Variants in RAB35 observed in about 807,000 individuals in gnomAD.
RAB35 encodes the protein RAB35, member RAS oncogene family.
Under a neutral mutation model 28.9 loss-of-function variants are expected in RAB35, and 4 were observed. The observed-to-expected ratio is 0.14, with a 90% confidence interval of 0.07 to 0.32. The LOEUF (loss-of-function observed/expected upper bound fraction) is 0.32. Among genes scored for constraint, RAB35 ranks in the 10% least tolerant of loss-of-function variants. The pLI, the probability that RAB35 is intolerant of heterozygous loss-of-function variation, is 1.00. For missense variants in RAB35, 128 were observed against 274.0 expected, an observed-to-expected ratio of 0.47 and a Z score of 3.76; for synonymous variants, 99 against 105.1, an observed-to-expected ratio of 0.94 and a Z score of 0.35.
intron 3 of RAB35, among the ~76,000 whole-genome samples, chr12:120,100,020 G>T (rs1875598118): frequency 6.6e-6 from 1 of 152,200 alleles, no homozygotes; most frequent in Non-Finnish European, 1.5e-5. Flanking sequence ...CCACCCCAGG[G>T]CTCCTCAGGA....
chr12:120,097,426 G>T, intron 5 of RAB35, 53 bp from the exon 6 acceptor site: 1 of 1,479,476 alleles, frequency 6.8e-7, no homozygotes, highest in Non-Finnish European at 9.3e-7. Flanking sequence ...GGAGGCCCCT[G>T]CTGGCCTGCA....
intron 3 of RAB35, among the ~76,000 whole-genome samples, chr12:120,102,463 C>T (rs1245382310): frequency 6.6e-6 from 1 of 152,232 alleles, no homozygotes; most frequent in Non-Finnish European, 1.5e-5. Flanking sequence ...GGCTCATCAA[C>T]GGTCACCACA....
intron 5 of RAB35, among the ~76,000 whole-genome samples, chr12:120,098,120 G>A (rs1008257021): frequency 9.2e-5 from 14 of 152,252 alleles, no homozygotes; most frequent in African/African-American, 3.4e-4. Flanking sequence ...TCCTGACCTC[G>A]TGATCCGCCC....
chr12:120,111,297 G>A (rs1255756148), intron 1 of RAB35, among the ~76,000 whole-genome samples: 1 of 152,172 alleles, frequency 6.6e-6, no homozygotes, highest in Admixed American at 6.6e-5. Flanking sequence ...GTGTAAAACA[G>A]CTCTCTCTGC....
chr12:120,112,215 T>C lies in RAB35; in HGVS notation c.53-3748A>G, dbSNP rs1876147658. Among the ~76,000 whole-genome samples, 3 of 152,122 alleles carry C rather than the reference T, an allele frequency of 2.0e-5. No individual in the cohort carries two copies. The East Asian group carries it at 5.8e-4, about 29-fold the overall frequency. On this transcript the variant is annotated intron_variant, in intron 1 of 5. Transcript: ENST00000229340. ...CTGGTCTCGAGCTCCTGACCTCAAG[T>C]GATCCGCCTGCCTCGGCCTCCCAAA...
chr12:120,113,593 C>T (rs1212217106), intron 1 of RAB35, among the ~76,000 whole-genome samples: 4 of 152,034 alleles, frequency 2.6e-5, no homozygotes, highest in Admixed American at 1.3e-4. Context: ...CCGAGGCGGG[C>T]GGATCACGAG....
chr12:120,107,866 C>CAAA (rs57274207), intron 2 of RAB35, among the ~76,000 whole-genome samples: 22 of 31,974 alleles, frequency 6.9e-4, no homozygotes, highest in East Asian at 1.4e-3. Context: ...GACTCCATCT[C>CAAA]AAAAAAAAAA....
intron 2 of RAB35, among the ~76,000 whole-genome samples, chr12:120,104,780 T>C (rs2283360): frequency 0.13 from 19,530 of 151,950 alleles, 1,555 homozygotes; most frequent in East Asian, 0.4. Context: ...ACTACAGGCA[T>C]GCGCCACCAC....
rs1254650124 is a variant in RAB35, at chr12:120,095,715, TG to T, written c.*1529del. 1 of 152,250 alleles carries T rather than the reference TG, an allele frequency of 6.6e-6. No individual in the cohort carries two copies. Among genetic ancestry groups the T allele is most frequent in the Non-Finnish European group, 1.5e-5 (1 of 68,082 alleles). 9.4% of individuals were successfully genotyped at this position (152,250 alleles called of 1,614,324 possible). ...GGCCTGTCCCAGAATCACCAGCTTT[TG>T]GCAGTTTGGGCAAGTGGAGAGTCGG... On this transcript the variant is annotated 3_prime_UTR_variant, in exon 6 of 6. Coordinates refer to ENST00000229340, the MANE Select transcript of RAB35 (RefSeq NM_006861.7).
At chr12:120,112,506 T>C (rs79496610) in intron 1 of RAB35, among the ~76,000 whole-genome samples, 4 of 151,722 alleles carry the variant, frequency 2.6e-5, no homozygotes, top group Non-Finnish European at 4.4e-5. Context: ...TCATAGCTCA[T>C]TGCAGTCTCA....
intron 3 of RAB35, among the ~76,000 whole-genome samples, chr12:120,100,293 C>T (rs1452541837): frequency 1.3e-5 from 2 of 152,206 alleles, no homozygotes; most frequent in Non-Finnish European, 1.5e-5. Context: ...GGACAAAGAC[C>T]AACCCTGGCT....
chr12:120,105,735 C>T (rs186337341), intron 2 of RAB35, among the ~76,000 whole-genome samples: 370 of 151,926 alleles, frequency 2.4e-3, no homozygotes, highest in African/African-American at 8.2e-3. Flanking sequence ...CATCCTGGCT[C>T]ACATGGTAAA....
chr12:120,108,055 A>C (rs986062840), intron 2 of RAB35, among the ~76,000 whole-genome samples: 2 of 152,100 alleles, frequency 1.3e-5, no homozygotes, highest in African/African-American at 4.8e-5. Flanking sequence ...GAGCGCAGAA[A>C]GAAATCAGAA....
chr12:120,097,680 G>A (rs952389119), intron 5 of RAB35, among the ~76,000 whole-genome samples: 1 of 152,122 alleles, frequency 6.6e-6, no homozygotes, highest in Admixed American at 6.5e-5. Context: ...CCAGGAGATC[G>A]AGACTACAGT....
chr12:120,101,775 C>T (rs1165998662), intron 3 of RAB35, among the ~76,000 whole-genome samples: 2 of 152,194 alleles, frequency 1.3e-5, no homozygotes, highest in African/African-American at 4.8e-5. Context: ...GCCCACAGGC[C>T]GCCCCTTCCC....
chr12:120,096,638 C>A lies in RAB35; in HGVS notation c.*607G>T. The A allele has an allele frequency of 7.8e-7, 1 of 1,289,894 alleles. No individual in the cohort carries two copies. Among genetic ancestry groups the A allele is most frequent in the Non-Finnish European group, 1.0e-6 (1 of 988,884 alleles). The allele number at this position is 1,289,894 out of a possible 1,614,324, so 79.9% of individuals were successfully genotyped here. ...GGGCCTGCCTTGAGACCAGGTTCCCCAGCTCCCAGAATGGCTGTGGGGACA... is the reference window on the plus strand; with the variant it reads ...GGGCCTGCCTTGAGACCAGGTTCCCAAGCTCCCAGAATGGCTGTGGGGACA... On this transcript the variant is annotated 3_prime_UTR_variant, in exon 6 of 6. Coordinates refer to ENST00000229340, the MANE Select transcript of RAB35 (RefSeq NM_006861.7).
chr12:120,103,765 C>T lies in RAB35; in HGVS notation c.227+61G>A, dbSNP rs1875753811. 5 of 1,591,568 alleles carry T rather than the reference C, an allele frequency of 3.1e-6. No individual in the cohort carries two copies. The highest frequency in any genetic ancestry group is 3.4e-5 in the Admixed American group (2 of 58,972). On this transcript the variant is annotated intron_variant, in intron 3 of 5. Transcript: ENST00000229340. This position sits in a 1 kb window ranked among gnomAD's most constrained non-coding sequence, Gnocchi z 6.1. ...ATTTCCACCATGACCAGGCACCGGT[C>T]GCTCAACTGTGTCCACAGGTCAGTG...
At chr12:120,105,107 A>G (rs970927194) in intron 2 of RAB35, among the ~76,000 whole-genome samples, 1 of 152,194 alleles carries the variant, frequency 6.6e-6, no homozygotes, top group Non-Finnish European at 1.5e-5. Context: ...GGCGTAGGAA[A>G]GGTCAAATTC....
Position 120,108,537 on chromosome 12 carries a change from C to A in RAB35, c.53-70G>T. On this transcript the variant is annotated intron_variant, in intron 1 of 5. Transcript: ENST00000229340. ...CTCCCCGCAGCCCCAGCCCTTCTTC[C>A]GGGAGAGGATGCCTCAGTCCCAACT... 2.8e-6 allele frequency: 4 copies of A among 1,452,258 alleles called. No homozygotes were observed. In the South Asian group the frequency reaches 4.6e-5, roughly 17 times the overall value. 90.0% of individuals were successfully genotyped at this position (1,452,258 alleles called of 1,614,324 possible).
Sources: gnomAD v4.1 joint callset for allele counts (sites outside exome capture counted in the v4.1 genomes callset) on GRCh38, gnomAD v4.1.1 for gene constraint, Gnocchi (gnomAD v3.1) non-coding constraint, MANE v1.5 for transcripts, NCBI Gene and HGNC (gene_info 2026-07-23, HGNC 2026-07-21) for gene names.